PRKAG1: variants seen among roughly 807,000 people sequenced by gnomAD.
PRKAG1 encodes the protein 5'-AMP-activated protein kinase subunit gamma-1.
A neutral mutation model predicts 48.2 loss-of-function variants in PRKAG1; 27 were observed. The ratio of observed to expected loss-of-function variants is 0.56; its 90% CI spans 0.41 to 0.77. The LOEUF is 0.77. Among genes scored for constraint, PRKAG1 ranks in the 30% least tolerant of loss-of-function variants. The pLI, the probability that PRKAG1 is intolerant of heterozygous loss-of-function variation, is 0.00. For missense variants in PRKAG1, 287 were observed against 398.3 expected, an observed-to-expected ratio of 0.72 and a Z score of 2.38; for synonymous variants, 130 against 147.7, an observed-to-expected ratio of 0.88 and a Z score of 0.87.
chr12:49,009,626 T>C (rs1941679474), intron 2 of PRKAG1, among the ~76,000 whole-genome samples: 1 of 152,224 alleles, frequency 6.6e-6, no homozygotes, highest in Non-Finnish European at 1.5e-5. Flanking sequence ...GTTTTTGTTT[T>C]TTTGAGACAG....
chr12:49,003,723 T>C, intron 9 of PRKAG1, 34 bp downstream of exon 9: 1 of 1,606,526 alleles, frequency 6.2e-7, no homozygotes, highest in Non-Finnish European at 8.5e-7. Context: ...CTTGCCTGGA[T>C]CTTCCCTCCC....
rs1192919817 is a variant in PRKAG1 at position 49,013,083 on chromosome 12, C to A, written c.37G>T (p.Val13Leu). ...TVISSDSSPA[V>L]ENEHPQETPE... ...TTACCTTGAGGATGCTCATTTTCCA[C>A]AGCTGGGGAGCTATCTGAAGAAATG... The change falls in exon 2 of 12, where the codon GTG becomes TTG. Residue 13 changes from valine to leucine, a missense_variant. This residue lies in a region of PRKAG1 where 63 missense variants were observed against 54.0 expected (regional missense o/e 1.17). Transcript: ENST00000548065. The A allele has an allele frequency of 3.7e-6, 6 of 1,613,642 alleles. No individual in the cohort carries two copies. In the Admixed American group the frequency reaches 8.3e-5, roughly 22 times the overall value.
rs775889558 is a variant in PRKAG1 at position 49,005,336 on chromosome 12, A to G, written c.279T>C (p.Asn93=). 5 of 1,614,154 alleles carry G rather than the reference A, an allele frequency of 3.1e-6. No individual in the cohort carries two copies. In the East Asian group the frequency reaches 1.1e-4, roughly 36 times the overall value. The change falls in exon 5 of 12, where the codon AAT becomes AAC. Residue 93 remains asparagine (N), a synonymous_variant. Transcript: ENST00000548065. This position sits in a 1 kb window ranked among gnomAD's most constrained non-coding sequence, Gnocchi z 4.1. ...CTGATTTATAGTAGCGGTGCAGGAT[A>G]TTGATGAAATCAGTGATGGTCAGCA... ...VGMLTITDFI[N]ILHRYYKSAL...
chr12:49,005,083 TC>T lies in PRKAG1; in HGVS notation c.355+36del, dbSNP rs1565733359. On this transcript the variant is annotated intron_variant, in intron 6 of 11. Transcript: ENST00000548065. The surrounding 1 kb of genome is among the most constrained non-coding windows in gnomAD (Gnocchi z 4.1). ...AAAAGTGTTTCCCAGAAACCCGCCA[TC>T]CCTTTATCCTTTTATAACCCCAATT... 1 of 1,613,166 alleles carries T rather than the reference TC, an allele frequency of 6.2e-7. No individual in the cohort carries two copies. The highest frequency in any genetic ancestry group is 8.5e-7 in the Non-Finnish European group (1 of 1,179,238).
intron 1 of PRKAG1, among the ~76,000 whole-genome samples, chr12:49,015,561 A>G (rs145503913): frequency 1.3e-5 from 2 of 152,202 alleles, no homozygotes; most frequent in East Asian, 3.9e-4. Context: ...GTCAAACACA[A>G]CTGCATATGT....
At chr12:49,014,995 T>C (rs568112802) in intron 1 of PRKAG1, among the ~76,000 whole-genome samples, 3 of 152,286 alleles carry the variant, frequency 2.0e-5, no homozygotes, top group Admixed American at 1.3e-4. Context: ...ACCTGGGAGG[T>C]TGGCTGACAA....
chr12:49,005,970 G>T lies in PRKAG1; in HGVS notation c.59-118C>A, dbSNP rs1941520660. The T allele has an allele frequency of 1.4e-5, 10 of 740,318 alleles. No individual in the cohort carries two copies. The South Asian group carries it at 1.7e-4, about 13-fold the overall frequency. 45.9% of individuals were successfully genotyped at this position (740,318 alleles called of 1,614,324 possible). A position where few individuals can be genotyped will look rare whatever the true frequency, so the allele number is the denominator to read the frequency against. ...TATTTAGAGCATTATTTTTTAATAA[G>T]ACCCCTTATTTTATCTGTCTTGTTC... On this transcript the variant is annotated intron_variant, in intron 2 of 11. Coordinates refer to ENST00000548065, the MANE Select transcript of PRKAG1 (RefSeq NM_002733.5). This position sits in a 1 kb window ranked among gnomAD's most constrained non-coding sequence, Gnocchi z 4.1.
At chr12:49,017,348 A>ACAC (rs202194106) in intron 1 of PRKAG1, 5 of 333,240 alleles carry the variant, frequency 1.5e-5, no homozygotes, top group Admixed American at 4.0e-5. Context: ...CTACAGGCAC[A>ACAC]CACCACCACC....
In PRKAG1 at chr12:49,005,026, G is replaced by C. The variant is rs201611001; in HGVS notation, c.356-8C>G. 4.7e-5 allele frequency: 76 copies of C among 1,613,740 alleles called. 1 individual carries two copies. The highest frequency in any genetic ancestry group is 5.8e-5 in the Non-Finnish European group (69 of 1,179,938). On this transcript the variant is annotated splice_polypyrimidine_tract_variant and splice_region_variant and intron_variant, in intron 6 of 11. Transcript: ENST00000548065. The surrounding 1 kb of genome is among the most constrained non-coding windows in gnomAD (Gnocchi z 4.1). Reference sequence around the variant, plus strand: ...AGTCCTGGAGATACACCTCTGAAGGGAAAAGGGATGGGTCACAAAATACCA... The same window carrying C: ...AGTCCTGGAGATACACCTCTGAAGGCAAAAGGGATGGGTCACAAAATACCA...
intron 2 of PRKAG1, among the ~76,000 whole-genome samples, chr12:49,006,877 G>A (rs927532447): frequency 5.9e-5 from 9 of 152,130 alleles, no homozygotes; most frequent in African/African-American, 2.2e-4. Flanking sequence ...GCTGAGGCAG[G>A]AGAATTGCTT....
chr12:49,004,667 T>TGGG lies in PRKAG1; in HGVS notation c.411-35_411-34insCCC, dbSNP rs747346939. ...GGGTGGGAGATAATAAGTTCCACAG[T>TGGG]GCTGGGGCTGGGGGTGATTAAACAG... is the stretch of plus-strand genomic sequence containing the variant. On this transcript the variant is annotated intron_variant, in intron 7 of 11. Coordinates refer to ENST00000548065, the MANE Select transcript of PRKAG1 (RefSeq NM_002733.5). The TGGG allele has an allele frequency of 1.2e-5, 20 of 1,613,692 alleles. No individual in the cohort carries two copies. In the African/African-American group the frequency reaches 2.4e-4, roughly 19 times the overall value.
In PRKAG1 at chr12:49,004,813, C is replaced by CTCTGTG. The variant is rs34375562; in HGVS notation, c.410+150_410+151insCACAGA. The CTCTGTG allele has an allele frequency of 1.7e-5, 12 of 714,342 alleles. No homozygotes were observed. In the African/African-American group the frequency reaches 2.1e-4, roughly 12 times the overall value. The allele number at this position is 714,342 out of a possible 1,614,324, so 44.3% of individuals were successfully genotyped here. A position where few individuals can be genotyped will look rare whatever the true frequency, so the allele number is the denominator to read the frequency against. ...AGTGAGAATGAGAGAGAGAGAGAGA[C>CTCTGTG]TGTGTGTGTGTGTGTGTGTGTGTGT... On this transcript the variant is annotated intron_variant, in intron 7 of 11. Coordinates refer to ENST00000548065, the MANE Select transcript of PRKAG1 (RefSeq NM_002733.5).
intron 2 of PRKAG1, among the ~76,000 whole-genome samples, chr12:49,010,158 G>A (rs1324216821): frequency 6.6e-6 from 1 of 151,994 alleles, no homozygotes; most frequent in Non-Finnish European, 1.5e-5. Context: ...GTGGGGTGGG[G>A]GGCAGTTTGG....
At chr12:49,018,659 T>C in intron 1 of PRKAG1, 73 bp downstream of exon 1, 1 of 1,608,334 alleles carries the variant, frequency 6.2e-7, no homozygotes, top group Non-Finnish European at 8.5e-7. Flanking sequence ...TGCCCGGCCC[T>C]CCCGGTCTCC....
At position 49,004,953 on chromosome 12, in the gene PRKAG1, CTG is replaced by C; in HGVS notation, c.410+9_410+10del. The C allele has an allele frequency of 6.2e-7, 1 of 1,613,424 alleles. No individual in the cohort carries two copies. Among genetic ancestry groups the C allele is most frequent in the Non-Finnish European group, 8.5e-7 (1 of 1,179,650 alleles). ...TTCCGCTTTTTGGACAGATGGGTAA[CTG>C]GAACTCACCTGGCATTAGGAGAAAT... On this transcript the variant is annotated intron_variant, in intron 7 of 11. Transcript: ENST00000548065.
In PRKAG1 at chr12:49,005,621, G is replaced by A. The variant is rs757362889; in HGVS notation, c.169-78C>T. ...TAAAAAAAGAACAGTGTTTGGGCAT[G>A]TTGGGTAAAACATGAGACTAACTTC... is the stretch of plus-strand genomic sequence containing the variant. On this transcript the variant is annotated intron_variant, in intron 3 of 11. Coordinates refer to ENST00000548065, the MANE Select transcript of PRKAG1 (RefSeq NM_002733.5). This position sits in a 1 kb window ranked among gnomAD's most constrained non-coding sequence, Gnocchi z 4.1. 7.4e-6 allele frequency: 12 copies of A among 1,613,114 alleles called. No individual in the cohort carries two copies. Among genetic ancestry groups the A allele is most frequent in the Admixed American group, 3.3e-5 (2 of 59,848 alleles).
intron 2 of PRKAG1, chr12:49,012,816 T>G: frequency 2.0e-6 from 1 of 488,802 alleles, no homozygotes; most frequent in South Asian, 2.4e-5. Context: ...CCTATGGAAG[T>G]TTTGCCTGTA....
chr12:49,005,402 C>T lies in PRKAG1; in HGVS notation c.251-38G>A, dbSNP rs750291285. On this transcript the variant is annotated intron_variant, in intron 4 of 11. Transcript: ENST00000548065. This position sits in a 1 kb window ranked among gnomAD's most constrained non-coding sequence, Gnocchi z 4.1. ...ACAGAGCCCTCAGCACTGCCTGAAGCTTGTCTCCCTGCCCAGCACAAGATG... is the reference window on the plus strand; with the variant it reads ...ACAGAGCCCTCAGCACTGCCTGAAGTTTGTCTCCCTGCCCAGCACAAGATG... The T allele has an allele frequency of 6.2e-7, 1 of 1,614,098 alleles. No individual in the cohort carries two copies.
chr12:49,003,741 C>T lies in PRKAG1; in HGVS notation c.703+16G>A, dbSNP rs765338369. 5 of 1,609,044 alleles carry T rather than the reference C, an allele frequency of 3.1e-6. No individual in the cohort carries two copies. In the East Asian group the frequency reaches 8.9e-5, roughly 29 times the overall value. On this transcript the variant is annotated intron_variant, in intron 9 of 11. Coordinates refer to ENST00000548065, the MANE Select transcript of PRKAG1 (RefSeq NM_002733.5). ...GCCTGGATCTTCCCTCCCTCTCCTT[C>T]TGCCCAATCTCTCACCCTTCTCATC...
Sources: allele counts gnomAD v4.1 joint callset (sites outside exome capture counted in the v4.1 genomes callset), GRCh38; gene constraint gnomAD v4.1.1; regional missense constraint gnomAD v4.1.1; non-coding constraint Gnocchi (gnomAD v3.1); transcripts MANE v1.5; gene names NCBI Gene and HGNC (gene_info 2026-07-23, HGNC 2026-07-21).